The following DPY19L1 variants were observed in gnomAD, a reference collection of about 807,000 sequenced individuals.
DPY19L1 encodes the protein protein C-mannosyl-transferase DPY19L1.
Under a neutral mutation model 96.9 loss-of-function variants are expected in DPY19L1, and 35 were observed. That is an observed-to-expected ratio of 0.36 (90% CI 0.28 to 0.48). DPY19L1 has a LOEUF of 0.48. DPY19L1 is among the 20% of genes least tolerant of loss of function. The pLI is 0.99. For missense variants in DPY19L1, 521 were observed against 777.9 expected (o/e 0.67, Z 3.93); for synonymous variants, 205 against 252.6 (o/e 0.81, Z 1.79).
At chr7:35,025,288 G>A (rs186786241) in intron 1 of DPY19L1, among the ~76,000 whole-genome samples, 5 of 152,072 alleles carry the variant, frequency 3.3e-5, no homozygotes, top group East Asian at 1.9e-4. Flanking sequence ...TGCACAACAC[G>A]TTTTCCTAGG....
chr7:34,975,717 C>T (rs935551084), intron 7 of DPY19L1, among the ~76,000 whole-genome samples: 1 of 152,128 alleles, frequency 6.6e-6, no homozygotes, highest in African/African-American at 2.4e-5. Context: ...CTTGTTAGAC[C>T]TAATGCAACC....
At chr7:35,006,726 T>C (rs1198867518) in intron 6 of DPY19L1, among the ~76,000 whole-genome samples, 1 of 152,206 alleles carries the variant, frequency 6.6e-6, no homozygotes, top group African/African-American at 2.4e-5. Context: ...TCTCACTTCA[T>C]CTCCTCAAGT....
chr7:34,978,997 A>C (rs567878371), intron 7 of DPY19L1, among the ~76,000 whole-genome samples: 1 of 152,238 alleles, frequency 6.6e-6, no homozygotes, highest in Non-Finnish European at 1.5e-5. Flanking sequence ...ACAGGATTTA[A>C]TGTGTCAGTG....
At chr7:35,028,848 G>C (rs1317013007) in intron 1 of DPY19L1, among the ~76,000 whole-genome samples, 4 of 152,198 alleles carry the variant, frequency 2.6e-5, no homozygotes, top group Admixed American at 6.5e-5. Flanking sequence ...CCCCTTTTTA[G>C]ACCATATAGC....
intron 1 of DPY19L1, among the ~76,000 whole-genome samples, chr7:35,027,334 C>T (rs938426497): frequency 3.3e-5 from 5 of 152,212 alleles, no homozygotes; most frequent in African/African-American, 9.7e-5. Flanking sequence ...CCCAGGTGGA[C>T]TGCACAGCTA....
chr7:34,967,002 A>C, intron 9 of DPY19L1, 31 bp from the exon 10 acceptor site: 1 of 1,457,616 alleles, frequency 6.9e-7, no homozygotes, highest in Non-Finnish European at 9.2e-7. Flanking sequence ...AGAAGTAAAA[A>C]AGATAAAATG....
At chr7:34,998,065 C>A (rs1785332901) in intron 6 of DPY19L1, among the ~76,000 whole-genome samples, 1 of 152,104 alleles carries the variant, frequency 6.6e-6, no homozygotes, top group African/African-American at 2.4e-5. Context: ...AGAAATAAAG[C>A]AGCTTAAAAA....
At chr7:35,027,117 A>T (rs329258) in intron 1 of DPY19L1, among the ~76,000 whole-genome samples, 71,840 of 151,860 alleles carry the variant, frequency 0.47, 17,430 homozygotes, top group Admixed American at 0.61. Flanking sequence ...GGCAGAAGAA[A>T]CGCTTGAATC....
intron 3 of DPY19L1, among the ~76,000 whole-genome samples, chr7:35,016,155 G>GA (rs1179484729): frequency 6.6e-6 from 1 of 152,172 alleles, no homozygotes; most frequent in African/African-American, 2.4e-5. Context: ...GCCACTGACA[G>GA]AAATGGTGGC....
chr7:34,982,561 A>T (rs909035578), intron 7 of DPY19L1, among the ~76,000 whole-genome samples: 5 of 152,266 alleles, frequency 3.3e-5, no homozygotes, highest in African/African-American at 9.6e-5. Flanking sequence ...TACAAGATTT[A>T]CAGTGAAACT....
chr7:34,944,102 T>C (rs1784084761), intron 16 of DPY19L1, among the ~76,000 whole-genome samples: 1 of 152,094 alleles, frequency 6.6e-6, no homozygotes, highest in African/African-American at 2.4e-5. Flanking sequence ...CAGTGGCTCA[T>C]GCCTATAATC....
At chr7:35,018,031 T>C in intron 2 of DPY19L1, 62 bp from the exon 3 acceptor site, 9 of 1,277,628 alleles carry the variant, frequency 7.0e-6, no homozygotes, top group Non-Finnish European at 9.7e-6. Flanking sequence ...TTTTTTAAAG[T>C]AAGCTAAAAG....
In DPY19L1 at chr7:34,985,081, A is replaced by T. The variant is rs139588097; in HGVS notation, c.822+4803T>A. Among the ~76,000 whole-genome samples the T allele has an allele frequency of 1.0e-3, 154 of 152,246 alleles. 2 individuals are homozygous for T. Among genetic ancestry groups the T allele is most frequent in the African/African-American group, 3.5e-3 (144 of 41,548 alleles). ...GAAGGGAAGAAAGAATGAAAGAAAAACGAAGTAAGAGGTCCACAAATTGGC... is the reference window on the plus strand; with the variant it reads ...GAAGGGAAGAAAGAATGAAAGAAAATCGAAGTAAGAGGTCCACAAATTGGC... On this transcript the variant is annotated intron_variant, in intron 7 of 21. Transcript: ENST00000638088.
Position 34,941,678 on chromosome 7 carries a change from A to G in DPY19L1, c.1689+87T>C, listed in dbSNP as rs1415446140. ...GAAGAGCTTTAACTATAATCACTTA[A>G]AAGACTTTGTAATTCATTATTTTAG... On this transcript the variant is annotated intron_variant, in intron 18 of 21. Transcript: ENST00000638088. 33 of 1,231,332 alleles carry G rather than the reference A, an allele frequency of 2.7e-5. No homozygotes were observed. In the East Asian group the frequency reaches 7.5e-4, roughly 28 times the overall value. 76.3% of individuals were successfully genotyped at this position (1,231,332 alleles called of 1,614,324 possible).
chr7:34,940,640 T>TTAA (rs769902082), intron 18 of DPY19L1: 5 of 187,524 alleles, frequency 2.7e-5, no homozygotes, highest in Admixed American at 6.2e-5. Flanking sequence ...TGTTAAAAAA[T>TTAA]TAAGACGTTC....
chr7:34,931,811 C>A, intron 21 of DPY19L1, 82 bp from the exon 22 acceptor site: 2 of 1,476,494 alleles, frequency 1.4e-6, no homozygotes, highest in Non-Finnish European at 9.0e-7. Flanking sequence ...ACATTCCTGA[C>A]CTCAATTCCT....
At chr7:35,012,798 A>G (rs1281650005) in intron 4 of DPY19L1, among the ~76,000 whole-genome samples, 1 of 152,146 alleles carries the variant, frequency 6.6e-6, no homozygotes, top group Non-Finnish European at 1.5e-5. Flanking sequence ...TTCATTATAT[A>G]GCATTATATT....
chr7:34,948,080 A>AACAC (rs76586610), intron 14 of DPY19L1, among the ~76,000 whole-genome samples: 3,567 of 151,778 alleles, frequency 0.024, 54 homozygotes, highest in Non-Finnish European at 0.037. Context: ...TTATCCTTGA[A>AACAC]ACACACACAC....
chr7:34,941,255 G>A lies in DPY19L1; in HGVS notation c.1689+510C>T, dbSNP rs531249716. Among the ~76,000 whole-genome samples the A allele has an allele frequency of 4.1e-4, 62 of 152,154 alleles. 1 individual carries two copies. The highest frequency in any genetic ancestry group is 1.3e-3 in the African/African-American group (53 of 41,508). ...ACACTATGGAGAAGCATAAATCTGT[G>A]AATACAGAACAAGGAGGCAGCTATC... On this transcript the variant is annotated intron_variant, in intron 18 of 21. Transcript: ENST00000638088.
Sources: allele counts gnomAD v4.1 joint callset (sites outside exome capture counted in the v4.1 genomes callset), GRCh38; gene constraint gnomAD v4.1.1; transcripts MANE v1.5; gene names NCBI Gene and HGNC (gene_info 2026-07-23, HGNC 2026-07-21).